The following SPATA22 variants were observed in gnomAD, a reference collection of about 807,000 sequenced individuals.
SPATA22 encodes spermatogenesis associated 22, also known as spermatogenesis-associated protein 22.
Under a neutral mutation model 47.8 loss-of-function variants are expected in SPATA22, and 29 were observed. That is an observed-to-expected ratio of 0.61 (90% CI 0.45 to 0.83). SPATA22 has a LOEUF of 0.83. SPATA22 is among the 40% of genes least tolerant of loss of function. The probability of loss-of-function intolerance (pLI) is 0.00; values close to 1 mark genes in which losing one functional copy is unlikely to be tolerated. For synonymous variants in SPATA22, 133 were observed against 140.9 expected (o/e 0.94, Z 0.40); for missense variants, 410 against 421.7 (o/e 0.97, Z 0.24).
At chr17:3,477,904 C>T (rs750462356) in intron 1 of SPATA22, among the ~76,000 whole-genome samples, 30 of 151,940 alleles carry the variant, frequency 2.0e-4, no homozygotes, top group Non-Finnish European at 2.6e-4. Flanking sequence ...GATACATGGC[C>T]GGGCACAGTG....
chr17:3,469,611 C>G (rs62071292), intron 1 of SPATA22, among the ~76,000 whole-genome samples: 50,019 of 152,136 alleles, frequency 0.33, 10,547 homozygotes, highest in Non-Finnish European at 0.48. Context: ...AACCTTGCTT[C>G]GTAAACATAT....
chr17:3,465,176 G>A (rs1382392126), intron 3 of SPATA22, among the ~76,000 whole-genome samples: 12 of 136,130 alleles, frequency 8.8e-5, no homozygotes, highest in South Asian at 2.5e-4. Flanking sequence ...CCCCCCGCCC[G>A]GCCAGCCGCC....
chr17:3,452,629 G>A (rs1045915505), intron 5 of SPATA22, among the ~76,000 whole-genome samples: 9 of 151,412 alleles, frequency 5.9e-5, no homozygotes, highest in African/African-American at 2.2e-4. Context: ...TTATTTTTTT[G>A]AAAAGATAAA....
chr17:3,444,010 T>C (rs895557958), intron 7 of SPATA22, among the ~76,000 whole-genome samples: 1 of 152,004 alleles, frequency 6.6e-6, no homozygotes, highest in Non-Finnish European at 1.5e-5. Context: ...TTTGTACCCT[T>C]TGACCTACAT....
chr17:3,476,703 A>G (rs568477409), upstream of SPATA22, among the ~76,000 whole-genome samples: 7 of 152,320 alleles, frequency 4.6e-5, no homozygotes, highest in East Asian at 1.3e-3. Flanking sequence ...CTTTAAAGAA[A>G]CAGATTTAAT....
At chr17:3,458,284 C>T (rs993108087) in intron 5 of SPATA22, among the ~76,000 whole-genome samples, 3 of 152,098 alleles carry the variant, frequency 2.0e-5, no homozygotes, top group Admixed American at 6.6e-5. Context: ...TATCAATTCA[C>T]ACTTGTTAGG....
chr17:3,494,500 G>A lies in SPATA22; in HGVS notation c.-74+18912C>T, dbSNP rs375129612. 51 of 1,501,120 alleles carry A rather than the reference G, an allele frequency of 3.4e-5. No homozygotes were observed. In the African/African-American group the frequency reaches 5.0e-4, roughly 15 times the overall value. 93.0% of individuals were successfully genotyped at this position (1,501,120 alleles called of 1,614,324 possible). A position where few individuals can be genotyped will look rare whatever the true frequency, so the allele number is the denominator to read the frequency against. On this transcript the variant is annotated intron_variant, in intron 1 of 8. Transcript: ENST00000541913. Reference sequence around the variant, plus strand: ...TCTTTAAAATGTTGAAAATAATAATGCTGTACCTTTGAATAGAAGTTTATA... The same window carrying A: ...TCTTTAAAATGTTGAAAATAATAATACTGTACCTTTGAATAGAAGTTTATA...
At chr17:3,496,601 C>A (rs778825311) in intron 1 of SPATA22, among the ~76,000 whole-genome samples, 3 of 152,176 alleles carry the variant, frequency 2.0e-5, no homozygotes, top group Non-Finnish European at 2.9e-5. Context: ...AAACACAGTT[C>A]AGGACCCGGT....
At chr17:3,478,790 A>G (rs2073577511) in intron 1 of SPATA22, among the ~76,000 whole-genome samples, 1 of 152,144 alleles carries the variant, frequency 6.6e-6, no homozygotes, top group South Asian at 2.1e-4. Flanking sequence ...TCATTTTCCT[A>G]TATTCCTCAT....
chr17:3,510,413 T>C (rs1355105975), intron 1 of SPATA22: 1 of 152,232 alleles, frequency 6.6e-6, no homozygotes, highest in Non-Finnish European at 1.5e-5. Flanking sequence ...AAAACGGGCC[T>C]TCCCTTTACC....
At chr17:3,483,375 A>G (rs1006237485) in intron 1 of SPATA22, 1 of 802,646 alleles carries the variant, frequency 1.2e-6, no homozygotes, top group Non-Finnish European at 2.2e-6. Context: ...AGTATTTCAT[A>G]AAGCTGTCTT....
intron 5 of SPATA22, among the ~76,000 whole-genome samples, chr17:3,457,617 G>GT (rs2073027210): frequency 6.6e-6 from 1 of 151,440 alleles, no homozygotes; most frequent in South Asian, 2.1e-4. Flanking sequence ...TATGGTACTG[G>GT]TATTAAAACA....
At chr17:3,494,574 A>G (rs1007988461) in intron 1 of SPATA22, 13 of 851,496 alleles carry the variant, frequency 1.5e-5, no homozygotes, top group Middle Eastern at 2.4e-4. Flanking sequence ...CTCTCATTAG[A>G]CACTGAGTGT....
intron 1 of SPATA22, among the ~76,000 whole-genome samples, chr17:3,481,173 G>A (rs2073620776): frequency 6.6e-6 from 1 of 152,134 alleles, no homozygotes; most frequent in Non-Finnish European, 1.5e-5. Context: ...GAGCCCCTAA[G>A]TGACTATATT....
chr17:3,464,412 AAGT>A (rs2073221248), intron 3 of SPATA22, among the ~76,000 whole-genome samples: 1 of 144,442 alleles, frequency 6.9e-6, no homozygotes, highest in Non-Finnish European at 1.6e-5. Context: ...CCCGTCTGGG[AAGT>A]GAGGAGCGTC....
At chr17:3,466,739 C>T (rs2150731367) in intron 3 of SPATA22, among the ~76,000 whole-genome samples, 1 of 152,298 alleles carries the variant, frequency 6.6e-6, no homozygotes. Flanking sequence ...GTCAAGGCTT[C>T]TTACTGTGTC....
intron 6 of SPATA22, among the ~76,000 whole-genome samples, chr17:3,447,440 T>C (rs1368961515): frequency 1.0e-5 from 1 of 100,298 alleles, no homozygotes; most frequent in African/African-American, 2.8e-5. Flanking sequence ...GATTCTAACA[T>C]GCCTCCTGTT....
At chr17:3,475,214 C>A (rs746082812), upstream of SPATA22, among the ~76,000 whole-genome samples, 1 of 152,150 alleles carries the variant, frequency 6.6e-6, no homozygotes, top group Non-Finnish European at 1.5e-5. Flanking sequence ...GGGATGTAAT[C>A]ATCTTAGTAT....
intron 8 of SPATA22, among the ~76,000 whole-genome samples, chr17:3,442,505 T>C (rs1205377962): frequency 6.6e-6 from 1 of 151,922 alleles, no homozygotes; most frequent in Non-Finnish European, 1.5e-5. Flanking sequence ...TGTGTAGGTC[T>C]ATAGCCTCCT....
Sources: allele counts gnomAD v4.1 joint callset (sites outside exome capture counted in the v4.1 genomes callset), GRCh38; gene constraint gnomAD v4.1.1; transcripts MANE v1.5; gene names NCBI Gene and HGNC (gene_info 2026-07-23, HGNC 2026-07-21).